OR4M1: variants seen among roughly 807,000 people sequenced by gnomAD.
OR4M1 encodes olfactory receptor family 4 subfamily M member 1, also known as olfactory receptor 4M1.
OR4M1 carries 7 observed loss-of-function variants against 9.8 expected under a neutral mutation model. The observed-to-expected ratio is 0.71, with a 90% CI of 0.41 to 1.34. OR4M1 has a LOEUF of 1.34. Among genes scored for constraint, OR4M1 ranks in the 40% most tolerant of loss-of-function variants. The pLI is 0.01. For missense variants in OR4M1, 331 were observed against 380.4 expected (o/e 0.87, Z 1.08); for synonymous variants, 121 against 139.8 (o/e 0.87, Z 0.95).
At chr14:19,773,935 G>A (rs1878238942) in intron 1 of OR4M1, among the ~76,000 whole-genome samples, 1 of 152,214 alleles carries the variant, frequency 6.6e-6, no homozygotes, top group Non-Finnish European at 1.5e-5. Context: ...TGATTTATGG[G>A]TCTTCAGAGC....
chr14:19,780,224 T>C, intron 1 of OR4M1, 70 bp from the exon 2 acceptor site: 1 of 1,314,140 alleles, frequency 7.6e-7, no homozygotes, highest in Non-Finnish European at 1.0e-6. Flanking sequence ...CGTATGACAA[T>C]TTTGAAAGCA....
At position 19,782,887 on chromosome 14, in the gene OR4M1, G is replaced by A. The variant is rs1342559822; in HGVS notation, c.*1623G>A. The A allele has an allele frequency of 1.3e-5, 2 of 151,930 alleles. No homozygotes were observed. Among genetic ancestry groups the A allele is most frequent in the African/African-American group, 4.8e-5 (2 of 41,398 alleles). 9.4% of individuals were successfully genotyped at this position (151,930 alleles called of 1,614,324 possible). A position where few individuals can be genotyped will look rare whatever the true frequency, so the allele number is the denominator to read the frequency against. On this transcript the variant is annotated 3_prime_UTR_variant, in exon 2 of 2. Transcript: ENST00000641200. ...TATATATAATATGATAAAATGATGA[G>A]TTATGTTTCTAAATCTTTTATCATC...
intron 1 of OR4M1, among the ~76,000 whole-genome samples, chr14:19,774,893 C>A (rs1431186853): frequency 6.6e-6 from 1 of 152,170 alleles, no homozygotes; most frequent in African/African-American, 2.4e-5. Flanking sequence ...AATGAAGGCA[C>A]TGAGAAATAA....
Position 19,781,109 on chromosome 14 carries a change from C to G in OR4M1, c.787C>G (p.Pro263Ala). The change falls in exon 2 of 2, where the codon CCA (proline) becomes GCA (alanine). Residue 263 changes from proline (P) to alanine (A), a missense_variant. Coordinates refer to ENST00000641200, the MANE Select transcript of OR4M1 (RefSeq NM_001005500.2). ...FGPSIYIYAR[P>A]FDSFSLDKVV... ...GCCATCCATCTACATTTATGCTCGC[C>G]CATTTGACTCATTTTCCCTAGATAA... 6.2e-7 allele frequency: 1 copy of G among 1,614,218 alleles called. No individual in the cohort carries two copies. Among genetic ancestry groups the G allele is most frequent in the African/African-American group, 1.3e-5 (1 of 75,046 alleles).
Position 19,782,077 on chromosome 14 carries a change from G to C in OR4M1, c.*813G>C, listed in dbSNP as rs375583451. The stretch of plus-strand genomic sequence containing the variant: ...GAATTGGTAGACATCTAGCCGTGTA[G>C]TTTTTTTCTAAACTATCATCTCCTT... On this transcript the variant is annotated 3_prime_UTR_variant, in exon 2 of 2. Coordinates refer to ENST00000641200, the MANE Select transcript of OR4M1 (RefSeq NM_001005500.2). The C allele has an allele frequency of 9.2e-5, 14 of 152,250 alleles. No individual in the cohort carries two copies. Among genetic ancestry groups the C allele is most frequent in the Non-Finnish European group, 1.5e-4 (10 of 68,078 alleles). 9.4% of individuals were successfully genotyped at this position (152,250 alleles called of 1,614,324 possible). A position where few individuals can be genotyped will look rare whatever the true frequency, so the allele number is the denominator to read the frequency against.
In OR4M1 at chr14:19,773,601, G is replaced by C; in HGVS notation, c.-30+8G>C. ...AGACTGTCACAGTAATTGGTAGGTGGAAAGTTGTTATAACCTTTACATAAA... is the reference window on the plus strand; with the variant it reads ...AGACTGTCACAGTAATTGGTAGGTGCAAAGTTGTTATAACCTTTACATAAA... On this transcript the variant is annotated splice_region_variant and intron_variant, in intron 1 of 1. Transcript: ENST00000641200. 1 of 152,302 alleles carries C rather than the reference G, an allele frequency of 6.6e-6. No homozygotes were observed. The highest frequency in any genetic ancestry group is 1.5e-5 in the Non-Finnish European group (1 of 68,096). The allele number at this position is 152,302 out of a possible 1,614,324, so 9.4% of individuals were successfully genotyped here.
intron 1 of OR4M1, among the ~76,000 whole-genome samples, chr14:19,777,446 C>T (rs1466817375): frequency 1.3e-5 from 2 of 152,124 alleles, no homozygotes; most frequent in Non-Finnish European, 2.9e-5. Flanking sequence ...TCTACCATTG[C>T]CTTCTTTTTA....
intron 1 of OR4M1, 124 bp from the exon 2 acceptor site, chr14:19,780,170 G>A (rs1242091313): frequency 2.4e-6 from 2 of 838,018 alleles, no homozygotes; most frequent in African/African-American, 3.5e-5. Context: ...AATATAAAAT[G>A]GGCAACCAAA....
chr14:19,779,184 A>G (rs1178235775), intron 1 of OR4M1, among the ~76,000 whole-genome samples: 1 of 152,224 alleles, frequency 6.6e-6, no homozygotes, highest in Non-Finnish European at 1.5e-5. Flanking sequence ...TAGTATACAT[A>G]GTGCCCATAA....
At chr14:19,778,399 T>TA (rs1302504957) in intron 1 of OR4M1, among the ~76,000 whole-genome samples, 1 of 152,116 alleles carries the variant, frequency 6.6e-6, no homozygotes, top group Non-Finnish European at 1.5e-5. Context: ...CCCATAATAA[T>TA]AAAAAAAGCA....
At chr14:19,773,918 G>A (rs1382543913) in intron 1 of OR4M1, among the ~76,000 whole-genome samples, 4 of 152,324 alleles carry the variant, frequency 2.6e-5, no homozygotes, top group East Asian at 3.9e-4. Flanking sequence ...CTCAGAGAAG[G>A]CTGTTTTGAT....
intron 1 of OR4M1, among the ~76,000 whole-genome samples, chr14:19,779,513 C>T (rs986819523): frequency 1.3e-5 from 2 of 152,146 alleles, no homozygotes; most frequent in African/African-American, 4.8e-5. Flanking sequence ...AATATTATTC[C>T]CATTGTCACC....
chr14:19,781,266 A>G lies in OR4M1; in HGVS notation c.*2A>G. ...TATATTTTGTGTGAAGAGAAGTGAA[A>G]GATAAATTATACATTTTATAGTCCT... On this transcript the variant is annotated 3_prime_UTR_variant, in exon 2 of 2. Coordinates refer to ENST00000641200, the MANE Select transcript of OR4M1 (RefSeq NM_001005500.2). 1.3e-6 allele frequency: 2 copies of G among 1,597,348 alleles called. No individual in the cohort carries two copies. The highest frequency in any genetic ancestry group is 2.2e-5 in the South Asian group (2 of 89,346).
chr14:19,780,732 A>G lies in OR4M1; in HGVS notation c.410A>G (p.Asn137Ser). Residue 137 changes from asparagine to serine, a missense_variant, in exon 2 of 2, where the codon AAT becomes AGT. By Grantham distance (46) the Asn-to-Ser change is conservative. Transcript: ENST00000641200. ...CRPLHYATIMNRRLCCILVAL... is the reference protein window; with the variant it reads ...CRPLHYATIMSRRLCCILVAL... Reference sequence around the variant, plus strand: ...CCCCTCCACTATGCTACCATCATGAATCGACGTCTCTGCTGTATCCTGGTG... The same window carrying G: ...CCCCTCCACTATGCTACCATCATGAGTCGACGTCTCTGCTGTATCCTGGTG... The G allele has an allele frequency of 3.1e-6, 5 of 1,614,210 alleles. No homozygotes were observed. Among genetic ancestry groups the G allele is most frequent in the East Asian group, 2.2e-5 (1 of 44,892 alleles).
At position 19,782,884 on chromosome 14, in the gene OR4M1, T is replaced by A. The variant is rs1470428925; in HGVS notation, c.*1620T>A. 1 of 152,150 alleles carries A rather than the reference T, an allele frequency of 6.6e-6. No homozygotes were observed. Among genetic ancestry groups the A allele is most frequent in the Non-Finnish European group, 1.5e-5 (1 of 68,038 alleles). The allele number at this position is 152,150 out of a possible 1,614,324, so 9.4% of individuals were successfully genotyped here. ...ATATATATATAATATGATAAAATGA[T>A]GAGTTATGTTTCTAAATCTTTTATC... On this transcript the variant is annotated 3_prime_UTR_variant, in exon 2 of 2. Transcript: ENST00000641200.
In OR4M1 at chr14:19,782,382, A is replaced by G. The variant is rs1488113925; in HGVS notation, c.*1118A>G. The G allele has an allele frequency of 1.3e-5, 2 of 152,228 alleles. No homozygotes were observed. Among genetic ancestry groups the G allele is most frequent in the African/African-American group, 2.4e-5 (1 of 41,456 alleles). The allele number at this position is 152,228 out of a possible 1,614,324, so 9.4% of individuals were successfully genotyped here. On this transcript the variant is annotated 3_prime_UTR_variant, in exon 2 of 2. Transcript: ENST00000641200. ...CTTAAATTTATTAGTTTTTCATTTC[A>G]AAACTAGGAAATATTTTCATTGAAG...
At chr14:19,778,648 A>G (rs537165888) in intron 1 of OR4M1, among the ~76,000 whole-genome samples, 95 of 152,336 alleles carry the variant, frequency 6.2e-4, no homozygotes, top group African/African-American at 2.2e-3. Context: ...GAGTTAGTAT[A>G]TAACTAGCTC....
intron 1 of OR4M1, among the ~76,000 whole-genome samples, chr14:19,778,330 T>C (rs1318817709): frequency 6.6e-6 from 1 of 152,176 alleles, no homozygotes; most frequent in Non-Finnish European, 1.5e-5. Flanking sequence ...GGGTATGGAG[T>C]AGAGCAGAGG....
chr14:19,776,480 T>C (rs1452569132), intron 1 of OR4M1, among the ~76,000 whole-genome samples: 1 of 152,202 alleles, frequency 6.6e-6, no homozygotes, highest in Admixed American at 6.5e-5. Context: ...GGGAATTTTC[T>C]AGATGTGGTT....
Sources: allele counts gnomAD v4.1 joint callset (sites outside exome capture counted in the v4.1 genomes callset), GRCh38; gene constraint gnomAD v4.1.1; transcripts MANE v1.5; gene names NCBI Gene and HGNC (gene_info 2026-07-23, HGNC 2026-07-21).